The following DAB2IP variants were observed in gnomAD, a reference collection of about 807,000 sequenced individuals.
DAB2IP encodes the protein disabled homolog 2-interacting protein.
In DAB2IP, 28 loss-of-function variants were observed where a neutral mutation model predicts 107.2. The ratio of observed to expected loss-of-function variants is 0.26; its 90% CI spans 0.19 to 0.36. DAB2IP has a LOEUF of 0.36. DAB2IP is among the 10% of genes least tolerant of loss of function. DAB2IP has a pLI of 1.00. For synonymous variants in DAB2IP, 755 were observed against 706.4 expected, an observed-to-expected ratio of 1.07 and a Z score of -1.09; for missense variants, 1,400 against 1,644.7, an observed-to-expected ratio of 0.85 and a Z score of 2.57.
exon 1 of DAB2IP, chr9:121,567,077 C>A: frequency 1.5e-6 from 2 of 1,374,814 alleles, no homozygotes; most frequent in South Asian, 1.2e-5. Flanking sequence ...AATACCCAGT[C>A]ATCTAGTTGG....
chr9:121,613,473 C>A (rs1831162633), intron 1 of DAB2IP, among the ~76,000 whole-genome samples: 1 of 152,162 alleles, frequency 6.6e-6, no homozygotes, highest in Non-Finnish European at 1.5e-5. Flanking sequence ...AGTGCTAGGG[C>A]AGGAAGTGGC....
chr9:121,653,861 T>A (rs1232852106), intron 1 of DAB2IP, among the ~76,000 whole-genome samples: 1 of 152,152 alleles, frequency 6.6e-6, no homozygotes, highest in Non-Finnish European at 1.5e-5. Context: ...TTGAAGGAGC[T>A]CACGGCCTGC....
chr9:121,712,499 G>C (rs1308127552), intron 3 of DAB2IP, among the ~76,000 whole-genome samples: 1 of 152,146 alleles, frequency 6.6e-6, no homozygotes, highest in African/African-American at 2.4e-5. Context: ...TTCTGGGCTT[G>C]TTAAAGTTGG....
chr9:121,677,000 A>G (rs1237401509), intron 1 of DAB2IP, among the ~76,000 whole-genome samples: 1 of 152,240 alleles, frequency 6.6e-6, no homozygotes, highest in African/African-American at 2.4e-5. Flanking sequence ...ACCATTTAAG[A>G]GTCAGAATAC....
At chr9:121,572,113 G>A (rs185925621) in intron 1 of DAB2IP, among the ~76,000 whole-genome samples, 1 of 152,112 alleles carries the variant, frequency 6.6e-6, no homozygotes, top group Non-Finnish European at 1.5e-5. Context: ...CAGAGGCCTG[G>A]CAGCGGCCAG....
rs1214683498 is a variant in DAB2IP, at chr9:121,681,485, CGCAGTCCCACCT to C, written c.228+2707_228+2718del. ...ACCTCGAGCTGCCTGGGACTCAACT[CGCAGTCCCACCT>C]GCCCGGTTAGGGTCTGCAGGATGGA... On this transcript the variant is annotated intron_variant, in intron 2 of 15. Transcript: ENST00000408936. Among the ~76,000 whole-genome samples the C allele has an allele frequency of 3.3e-5, 5 of 152,250 alleles. No homozygotes were observed. The East Asian group carries it at 9.7e-4, about 29-fold the overall frequency.
intron 1 of DAB2IP, among the ~76,000 whole-genome samples, chr9:121,675,201 G>A (rs76866114): frequency 0.028 from 4,277 of 152,150 alleles, 94 homozygotes; most frequent in Middle Eastern, 0.051. Flanking sequence ...TGATCTGGGC[G>A]CCCCCAGCAT....
intron 1 of DAB2IP, among the ~76,000 whole-genome samples, chr9:121,619,724 C>T (rs1831398061): frequency 6.6e-6 from 1 of 152,134 alleles, no homozygotes; most frequent in Admixed American, 6.5e-5. Flanking sequence ...TTTCCGGGAG[C>T]GCTTGTAAAC....
At chr9:121,751,614 G>A (rs1833125153) in intron 3 of DAB2IP, 1 of 152,470 alleles carries the variant, frequency 6.6e-6, no homozygotes, top group Admixed American at 6.5e-5. Flanking sequence ...GCTTTGTCAG[G>A]AAGTAGCTGG....
intron 1 of DAB2IP, among the ~76,000 whole-genome samples, chr9:121,670,866 A>C (rs1338903570): frequency 6.6e-6 from 1 of 151,170 alleles, no homozygotes; most frequent in African/African-American, 2.4e-5. Flanking sequence ...AAAATACAAA[A>C]ATTAGGCCGG....
At chr9:121,570,404 T>C (rs1244677532) in intron 1 of DAB2IP, among the ~76,000 whole-genome samples, 1 of 151,904 alleles carries the variant, frequency 6.6e-6, no homozygotes, top group East Asian at 1.9e-4. Flanking sequence ...TCTCTTCTTA[T>C]AAGGACACTA....
chr9:121,593,852 G>C (rs977136682), intron 1 of DAB2IP, among the ~76,000 whole-genome samples: 6 of 151,516 alleles, frequency 4.0e-5, no homozygotes, highest in Non-Finnish European at 8.8e-5. Flanking sequence ...ATATTTATTA[G>C]AGATGGGGTT....
At chr9:121,696,989 A>G (rs1829461552) in intron 2 of DAB2IP, among the ~76,000 whole-genome samples, 1 of 152,172 alleles carries the variant, frequency 6.6e-6, no homozygotes, top group South Asian at 2.1e-4. Flanking sequence ...CTAGCACATA[A>G]TGGCTCTCAT....
Position 121,701,733 on chromosome 9 carries a change from C to T in DAB2IP, c.362+2275C>T, listed in dbSNP as rs1016662424. 6.6e-6 allele frequency among the ~76,000 whole-genome samples: 1 copy of T among 152,150 alleles called. No homozygotes were observed. The highest frequency in any genetic ancestry group is 2.4e-5 in the African/African-American group (1 of 41,426). On this transcript the variant is annotated intron_variant, in intron 3 of 15. Coordinates refer to ENST00000408936, the Ensembl canonical transcript of DAB2IP. This position sits in a 1 kb window ranked among gnomAD's most constrained non-coding sequence, Gnocchi z 4.7. ...CCCTGGAGTCATCCTATTTGGAGTT[C>T]AGTGAGTAAAAACAACTATGGTGAC...
Position 121,736,294 on chromosome 9 carries a change from C to T in DAB2IP, c.363-20719C>T, listed in dbSNP as rs1474421262. Among the ~76,000 whole-genome samples, 25 of 152,190 alleles carry T rather than the reference C, an allele frequency of 1.6e-4. No individual in the cohort carries two copies. The highest frequency in any genetic ancestry group is 8.8e-5 in the Non-Finnish European group (6 of 68,030). Reference sequence around the variant, plus strand: ...CAGCGGGCCAAACTGGAATGCGCCGCGAGAGCCGGGCCGCGGGCAAGTGAG... The same window carrying T: ...CAGCGGGCCAAACTGGAATGCGCCGTGAGAGCCGGGCCGCGGGCAAGTGAG... On this transcript the variant is annotated intron_variant, in intron 3 of 15. Transcript: ENST00000408936. This position sits in a 1 kb window ranked among gnomAD's most constrained non-coding sequence, Gnocchi z 4.6.
chr9:121,764,095 C>T (rs574724563), intron 8 of DAB2IP, among the ~76,000 whole-genome samples: 4 of 152,262 alleles, frequency 2.6e-5, no homozygotes, highest in Non-Finnish European at 5.9e-5. Flanking sequence ...AGTCTGCCGT[C>T]TCTGGTGATG....
chr9:121,780,327 C>T (rs79920458), intron 14 of DAB2IP, among the ~76,000 whole-genome samples: 1,914 of 152,278 alleles, frequency 0.013, 49 homozygotes, highest in African/African-American at 0.043. Flanking sequence ...GAACCTGCCC[C>T]GGAGGGTCCC....
At chr9:121,765,545 A>AC (rs1834218158) in intron 8 of DAB2IP, among the ~76,000 whole-genome samples, 2 of 152,174 alleles carry the variant, frequency 1.3e-5, no homozygotes, top group African/African-American at 2.4e-5. Flanking sequence ...TTTTAGCCTT[A>AC]CGATGGCTCT....
At chr9:121,747,437 T>C (rs1832795813) in intron 3 of DAB2IP, among the ~76,000 whole-genome samples, 2 of 149,906 alleles carry the variant, frequency 1.3e-5, no homozygotes, top group South Asian at 4.2e-4. Flanking sequence ...AAGCTCCACC[T>C]CTCAGGTTCA....
Sources: allele counts gnomAD v4.1 joint callset (sites outside exome capture counted in the v4.1 genomes callset), GRCh38; gene constraint gnomAD v4.1.1; non-coding constraint Gnocchi (gnomAD v3.1); transcripts MANE v1.5; gene names NCBI Gene and HGNC (gene_info 2026-07-23, HGNC 2026-07-21).